The following NOL4L variants were observed in gnomAD, a reference collection of about 807,000 sequenced individuals.
NOL4L encodes the protein nucleolar protein 4-like.
A neutral mutation model predicts 64.5 loss-of-function variants in NOL4L; 7 were observed. The ratio of observed to expected loss-of-function variants is 0.11; its 90% CI spans 0.06 to 0.20. The LOEUF is 0.20. Among genes scored for constraint, NOL4L ranks in the 10% least tolerant of loss-of-function variants. The pLI, the probability that NOL4L is intolerant of heterozygous loss-of-function variation, is 1.00. For missense variants in NOL4L, 680 were observed against 967.1 expected, an observed-to-expected ratio of 0.70 and a Z score of 3.94; for synonymous variants, 413 against 401.0, an observed-to-expected ratio of 1.03 and a Z score of -0.36.
At position 32,584,636 on chromosome 20, in the gene NOL4L, G is replaced by A. The variant is rs1188028888; in HGVS notation, c.255C>T (p.Phe85=). 1.2e-5 allele frequency: 18 copies of A among 1,541,344 alleles called. No individual in the cohort carries two copies. The highest frequency in any genetic ancestry group is 1.6e-5 in the Non-Finnish European group (18 of 1,142,450). ...TGGGTTCCCGGCCGCTGCCCAGGCG[G>A]AAGCCCTTGGAGCGCACCCAGAACT... ...KFQFWVRSKG[F]RLGSGREPKM... Residue 85 remains phenylalanine, a synonymous_variant, in exon 1 of 11, where the codon TTC becomes TTT. Transcript: ENST00000621426.
rs944969139 is a variant in NOL4L, at chr20:32,447,090, G to A, written c.*506C>T. The stretch of plus-strand genomic sequence containing the variant: ...AGTGATATGGAATGTTAGGTATGGG[G>A]ATACATCCTTCTGATCAGACAGACA... On this transcript the variant is annotated 3_prime_UTR_variant, in exon 11 of 11. Coordinates refer to ENST00000621426, the MANE Select transcript of NOL4L (RefSeq NM_001256798.2). The A allele has an allele frequency of 5.0e-6, 2 of 397,498 alleles. No individual in the cohort carries two copies. Among genetic ancestry groups the A allele is most frequent in the African/African-American group, 4.2e-5 (2 of 47,990 alleles). The allele number at this position is 397,498 out of a possible 1,614,324, so 24.6% of individuals were successfully genotyped here.
chr20:32,453,376 C>T lies in NOL4L; in HGVS notation c.1425G>A (p.Gln475=), dbSNP rs1301830634. 3 of 1,614,000 alleles carry T rather than the reference C, an allele frequency of 1.9e-6. No homozygotes were observed. Among genetic ancestry groups the T allele is most frequent in the African/African-American group, 2.7e-5 (2 of 74,910 alleles). ...TGCGGATGCGCTTGCGGGCCCGCTC[C>T]TGGAACTCAGGGAACTGCCGGCTGC... is the stretch of plus-strand genomic sequence containing the variant. ...ESCSRQFPEF[Q]ERARKRIRTY... Residue 475 remains glutamine (Q), a synonymous_variant, in exon 8 of 11, where the codon CAG becomes CAA. Coordinates refer to ENST00000621426, the MANE Select transcript of NOL4L (RefSeq NM_001256798.2). This position sits in a 1 kb window ranked among gnomAD's most constrained non-coding sequence, Gnocchi z 5.6.
intron 4 of NOL4L, among the ~76,000 whole-genome samples, chr20:32,504,567 A>G (rs555009643): frequency 5.7e-4 from 86 of 151,420 alleles, no homozygotes; most frequent in Non-Finnish European, 8.7e-4. Context: ...CAAAAAAAAA[A>G]AAAGAAAGAA....
chr20:32,526,564 G>A (rs1054253760), intron 2 of NOL4L, among the ~76,000 whole-genome samples: 4 of 152,050 alleles, frequency 2.6e-5, no homozygotes, highest in South Asian at 2.1e-4. Context: ...CCACCTCCAC[G>A]GTAGTCCAAA....
At chr20:32,488,805 T>TTG (rs56182517) in intron 4 of NOL4L, among the ~76,000 whole-genome samples, 2 of 30,204 alleles carry the variant, frequency 6.6e-5, no homozygotes, top group East Asian at 2.2e-3. Flanking sequence ...CTTTCTTTCT[T>TTG]TTTCTTTCTT....
At chr20:32,544,950 TA>T (rs2018712013) in intron 1 of NOL4L, among the ~76,000 whole-genome samples, 1 of 152,160 alleles carries the variant, frequency 6.6e-6, no homozygotes, top group South Asian at 2.1e-4. Context: ...GTCACCTGCC[TA>T]AAAGCACACA....
At chr20:32,450,588 C>T (rs1480574233) in intron 10 of NOL4L, among the ~76,000 whole-genome samples, 2 of 152,184 alleles carry the variant, frequency 1.3e-5, no homozygotes, top group Admixed American at 1.3e-4. Context: ...TGTGAACGGG[C>T]AGGCATGAAG....
chr20:32,485,587 A>G (rs1019296391), intron 4 of NOL4L: 2 of 349,578 alleles, frequency 5.7e-6, no homozygotes, highest in Non-Finnish European at 1.2e-5. Context: ...TTTCAAACCA[A>G]TTCACTCTCC....
At chr20:32,502,059 T>C (rs1461042369) in intron 4 of NOL4L, among the ~76,000 whole-genome samples, 1 of 152,156 alleles carries the variant, frequency 6.6e-6, no homozygotes, top group Non-Finnish European at 1.5e-5. Flanking sequence ...ATAATAAGTG[T>C]ATTTATGAGA....
intron 1 of NOL4L, among the ~76,000 whole-genome samples, chr20:32,557,034 C>T (rs990755844): frequency 1.3e-5 from 2 of 152,168 alleles, no homozygotes; most frequent in African/African-American, 4.8e-5. Flanking sequence ...CAAGGAACTC[C>T]GTCTCCTTAG....
chr20:32,489,053 T>C (rs1178363654), intron 4 of NOL4L, among the ~76,000 whole-genome samples: 1 of 149,664 alleles, frequency 6.7e-6, no homozygotes, highest in African/African-American at 2.5e-5. Context: ...GTTTTCCTTT[T>C]GTTGTCTTTT....
At chr20:32,491,201 G>A (rs1371154235) in intron 4 of NOL4L, among the ~76,000 whole-genome samples, 2 of 152,204 alleles carry the variant, frequency 1.3e-5, no homozygotes, top group African/African-American at 4.8e-5. Flanking sequence ...CTGCATGCTG[G>A]TCATGGGCGG....
chr20:32,502,331 G>C (rs1398510506), intron 4 of NOL4L, among the ~76,000 whole-genome samples: 6 of 150,520 alleles, frequency 4.0e-5, no homozygotes, highest in East Asian at 2.0e-4. Flanking sequence ...GGTGGCTCAT[G>C]CCTGTAATCC....
At chr20:32,489,855 A>C (rs930763699) in intron 4 of NOL4L, among the ~76,000 whole-genome samples, 3 of 150,118 alleles carry the variant, frequency 2.0e-5, no homozygotes, top group Non-Finnish European at 4.4e-5. Flanking sequence ...CTGGCCTGGC[A>C]TGGTGACTCA....
intron 1 of NOL4L, among the ~76,000 whole-genome samples, chr20:32,569,225 G>A (rs527251821): frequency 2.7e-4 from 41 of 152,226 alleles, no homozygotes; most frequent in African/African-American, 6.7e-4. Context: ...GCTCAGTGAC[G>A]TCCAGGGGAA....
chr20:32,487,903 A>G (rs1171417752), intron 4 of NOL4L, among the ~76,000 whole-genome samples: 1 of 151,476 alleles, frequency 6.6e-6, no homozygotes, highest in South Asian at 2.1e-4. Flanking sequence ...ATTCATCTAC[A>G]TGTGATCCAC....
chr20:32,511,758 G>A (rs2017415970), intron 3 of NOL4L, among the ~76,000 whole-genome samples: 1 of 152,220 alleles, frequency 6.6e-6, no homozygotes, highest in South Asian at 2.1e-4. Flanking sequence ...GCCAAGGCAG[G>A]AGGATCCCTT....
At chr20:32,567,706 T>C (rs1979511715) in intron 1 of NOL4L, among the ~76,000 whole-genome samples, 1 of 152,182 alleles carries the variant, frequency 6.6e-6, no homozygotes, top group Admixed American at 6.5e-5. Flanking sequence ...AAGATCTCAG[T>C]GCCTCTCAGT....
Position 32,445,548 on chromosome 20 carries a change from A to C in NOL4L, c.*2048T>G, listed in dbSNP as rs2145413611. Reference sequence around the variant, plus strand: ...TACTTTGTAGTATTGTTCACACACAAAAATAAATATTTACACGAATTCAAA... The same window carrying C: ...TACTTTGTAGTATTGTTCACACACACAAATAAATATTTACACGAATTCAAA... On this transcript the variant is annotated 3_prime_UTR_variant, in exon 11 of 11. Transcript: ENST00000621426. The C allele has an allele frequency of 6.6e-6, 1 of 152,374 alleles. No individual in the cohort carries two copies. Among genetic ancestry groups the C allele is most frequent in the East Asian group, 1.9e-4 (1 of 5,192 alleles). The allele number at this position is 152,374 out of a possible 1,614,324, so 9.4% of individuals were successfully genotyped here. A position where few individuals can be genotyped will look rare whatever the true frequency, so the allele number is the denominator to read the frequency against.
Sources: gnomAD v4.1 joint callset for allele counts (sites outside exome capture counted in the v4.1 genomes callset) on GRCh38, gnomAD v4.1.1 for gene constraint, Gnocchi (gnomAD v3.1) non-coding constraint, MANE v1.5 for transcripts, NCBI Gene and HGNC (gene_info 2026-07-23, HGNC 2026-07-21) for gene names.